Variants in BICC1 observed in about 807,000 individuals in gnomAD.
The protein encoded by BICC1 is protein bicaudal C homolog 1.
Under a neutral mutation model 111.0 loss-of-function variants are expected in BICC1, and 43 were observed. That is an observed-to-expected ratio of 0.39 (90% CI 0.30 to 0.50). The LOEUF (loss-of-function observed/expected upper bound fraction) is 0.50. Among genes scored for constraint, BICC1 ranks in the 20% least tolerant of loss-of-function variants. The probability of loss-of-function intolerance (pLI) is 0.88; values close to 1 mark genes in which losing one functional copy is unlikely to be tolerated. For missense variants in BICC1, 1,091 were observed against 1,203.2 expected (o/e 0.91, Z 1.38); for synonymous variants, 467 against 434.4 (o/e 1.07, Z -0.93).
At chr10:58,596,688 C>T (rs190981057) in intron 1 of BICC1, among the ~76,000 whole-genome samples, 3 of 152,124 alleles carry the variant, frequency 2.0e-5, no homozygotes, top group East Asian at 1.9e-4. Flanking sequence ...CTCCTTAAGC[C>T]GATAAGCAAC....
chr10:58,804,238 G>A (rs779435879), intron 15 of BICC1, among the ~76,000 whole-genome samples: 3 of 152,170 alleles, frequency 2.0e-5, no homozygotes, highest in Middle Eastern at 3.4e-3. Flanking sequence ...ATTTAAGGCC[G>A]GGCACAGTGG....
At chr10:58,647,679 C>A (rs191343887) in intron 2 of BICC1, among the ~76,000 whole-genome samples, 4 of 152,226 alleles carry the variant, frequency 2.6e-5, no homozygotes, top group African/African-American at 7.2e-5. Context: ...CCCTCTTTGG[C>A]TGCTCATAGC....
At chr10:58,552,350 T>G (rs1170896380) in intron 1 of BICC1, among the ~76,000 whole-genome samples, 1 of 152,078 alleles carries the variant, frequency 6.6e-6, no homozygotes, top group Middle Eastern at 3.2e-3. Flanking sequence ...ATTTATTTAT[T>G]TTTGAGATGG....
chr10:58,806,669 C>G lies in BICC1; in HGVS notation c.2221+46C>G, dbSNP rs376807804. ...TTACACTTGACTATATTTTAGTACA[C>G]TCATAAATGTTTTTTGAGTACTCAT... On this transcript the variant is annotated intron_variant, in intron 16 of 20. Coordinates refer to ENST00000373886, the MANE Select transcript of BICC1 (RefSeq NM_001080512.3). 6 of 1,478,300 alleles carry G rather than the reference C, an allele frequency of 4.1e-6. No individual in the cohort carries two copies. The African/African-American group carries it at 5.6e-5, about 14-fold the overall frequency. The allele number at this position is 1,478,300 out of a possible 1,614,324, so 91.6% of individuals were successfully genotyped here. A position where few individuals can be genotyped will look rare whatever the true frequency, so the allele number is the denominator to read the frequency against.
intron 2 of BICC1, among the ~76,000 whole-genome samples, chr10:58,622,630 C>A (rs900352789): frequency 5.3e-5 from 8 of 152,114 alleles, no homozygotes; most frequent in Admixed American, 1.3e-4. Flanking sequence ...ACTGTCTTTT[C>A]CATAGATAGG....
chr10:58,647,560 T>C (rs142953518), intron 2 of BICC1, among the ~76,000 whole-genome samples: 3 of 152,256 alleles, frequency 2.0e-5, no homozygotes, highest in East Asian at 3.9e-4. Context: ...GAGTGATTTT[T>C]TTCCCCAAGG....
chr10:58,700,728 G>A (rs535149253), intron 2 of BICC1, among the ~76,000 whole-genome samples: 7 of 152,278 alleles, frequency 4.6e-5, no homozygotes, highest in South Asian at 2.1e-4. Flanking sequence ...CTTTGACCTC[G>A]CAGTCAGAGA....
Position 58,788,360 on chromosome 10 carries a change from C to T in BICC1, c.547-10C>T. 6.3e-7 allele frequency: 1 copy of T among 1,596,294 alleles called. No individual in the cohort carries two copies. The highest frequency in any genetic ancestry group is 8.6e-7 in the Non-Finnish European group (1 of 1,165,832). On this transcript the variant is annotated splice_polypyrimidine_tract_variant and intron_variant, in intron 5 of 20. Transcript: ENST00000373886. ...AATAAATCTAACTTTGTATTTTCCTCCTCTTATAGGTATCTATAGCGGGAC... is the reference window on the plus strand; with the variant it reads ...AATAAATCTAACTTTGTATTTTCCTTCTCTTATAGGTATCTATAGCGGGAC...
chr10:58,749,016 C>CTTA (rs1841914518), intron 3 of BICC1, among the ~76,000 whole-genome samples: 1 of 152,128 alleles, frequency 6.6e-6, no homozygotes, highest in African/African-American at 2.4e-5. Context: ...ACTTAATACT[C>CTTA]AGGGCTATTT....
chr10:58,590,449 T>G (rs1274885213), intron 1 of BICC1, among the ~76,000 whole-genome samples: 4 of 152,224 alleles, frequency 2.6e-5, no homozygotes, highest in Non-Finnish European at 5.9e-5. Flanking sequence ...TCTCCCCATT[T>G]TAGAGTATCT....
intron 3 of BICC1, among the ~76,000 whole-genome samples, chr10:58,782,411 A>T (rs773335981): frequency 6.6e-6 from 1 of 152,220 alleles, no homozygotes; most frequent in African/African-American, 2.4e-5. Context: ...AATGACTACA[A>T]TTGAAATATC....
chr10:58,817,411 T>C, intron 18 of BICC1, 151 bp from the exon 19 acceptor site: 1 of 818,410 alleles, frequency 1.2e-6, no homozygotes, highest in Non-Finnish European at 2.0e-6. Flanking sequence ...GGAAAGCCAA[T>C]ATTTCAGTAA....
At chr10:58,563,306 C>G (rs1843662548) in intron 1 of BICC1, among the ~76,000 whole-genome samples, 1 of 152,118 alleles carries the variant, frequency 6.6e-6, no homozygotes, top group Non-Finnish European at 1.5e-5. Flanking sequence ...GGGAGCAGTG[C>G]AGCCATGTTA....
intron 1 of BICC1, among the ~76,000 whole-genome samples, chr10:58,533,291 C>T (rs1405702567): frequency 6.6e-6 from 1 of 151,684 alleles, no homozygotes; most frequent in Non-Finnish European, 1.5e-5. Flanking sequence ...TTCTTTTTGT[C>T]TTCTAATTTA....
chr10:58,788,040 A>G (rs1453559259), intron 5 of BICC1, among the ~76,000 whole-genome samples: 1 of 152,144 alleles, frequency 6.6e-6, no homozygotes, highest in East Asian at 1.9e-4. Flanking sequence ...TGGTATGCAA[A>G]GAGCTTAAAC....
chr10:58,789,570 GT>G, intron 7 of BICC1, 111 bp from the exon 8 acceptor site: 1 of 1,518,598 alleles, frequency 6.6e-7, no homozygotes, highest in Admixed American at 1.9e-5. Flanking sequence ...CTACATTTTG[GT>G]TTGCAGAATA....
chr10:58,623,795 G>C (rs1845901214), intron 2 of BICC1, among the ~76,000 whole-genome samples: 1 of 152,112 alleles, frequency 6.6e-6, no homozygotes, highest in African/African-American at 2.4e-5. Context: ...GTAACGCCCA[G>C]GCCTGAATGT....
chr10:58,724,337 CA>C (rs1841032250), intron 3 of BICC1, among the ~76,000 whole-genome samples: 1 of 152,140 alleles, frequency 6.6e-6, no homozygotes, highest in Non-Finnish European at 1.5e-5. Context: ...AAACTATTCT[CA>C]GAGAAATTCA....
intron 1 of BICC1, among the ~76,000 whole-genome samples, chr10:58,516,755 G>A (rs978335216): frequency 2.0e-5 from 3 of 152,064 alleles, no homozygotes; most frequent in South Asian, 2.1e-4. Context: ...CATGCATCAT[G>A]TGAAATAATA....
Sources: gnomAD v4.1 joint callset for allele counts (sites outside exome capture counted in the v4.1 genomes callset) on GRCh38, gnomAD v4.1.1 for gene constraint, MANE v1.5 for transcripts, NCBI Gene and HGNC (gene_info 2026-07-23, HGNC 2026-07-21) for gene names.